Variants in ZNF606 observed in about 807,000 individuals in gnomAD.
The protein encoded by ZNF606 is zinc finger protein 328.
A neutral mutation model predicts 74.9 loss-of-function variants in ZNF606; 37 were observed. The ratio of observed to expected loss-of-function variants is 0.49; its 90% CI spans 0.38 to 0.65. The LOEUF (loss-of-function observed/expected upper bound fraction) is 0.65, where lower values mean the gene tolerates loss of function less well. Ranked by LOEUF, ZNF606 falls within the 30% of genes least tolerant of loss-of-function variation. The probability of loss-of-function intolerance (pLI) is 0.00; values close to 1 mark genes in which losing one functional copy is unlikely to be tolerated. For missense variants in ZNF606, 852 were observed against 952.9 expected (o/e 0.89, Z 1.39); for synonymous variants, 328 against 312.4 (o/e 1.05, Z -0.53).
chr19:57,999,937 C>T (rs972175011), intron 3 of ZNF606, 41 bp from the exon 4 acceptor site: 3 of 1,594,300 alleles, frequency 1.9e-6, no homozygotes, highest in Non-Finnish European at 2.6e-6. Flanking sequence ...GCTCTCGCTG[C>T]CAGGAGCTCA....
intron 4 of ZNF606, among the ~76,000 whole-genome samples, chr19:57,997,003 G>A (rs938766507): frequency 3.3e-5 from 5 of 152,204 alleles, no homozygotes; most frequent in African/African-American, 1.2e-4. Flanking sequence ...GATGTTTGCT[G>A]ACAGATCTTG....
intron 4 of ZNF606, among the ~76,000 whole-genome samples, chr19:57,990,526 C>G (rs1216163011): frequency 1.7e-5 from 2 of 119,242 alleles, no homozygotes. Flanking sequence ...GGCAGTAGAG[C>G]AAAACCCAGT....
intron 6 of ZNF606, among the ~76,000 whole-genome samples, chr19:57,981,569 T>C (rs1348813026): frequency 2.6e-5 from 4 of 152,188 alleles, no homozygotes; most frequent in Non-Finnish European, 5.9e-5. Flanking sequence ...TATAATGTCC[T>C]TCTACTCCCA....
Position 57,979,047 on chromosome 19 carries a change from A to G in ZNF606, c.1633T>C (p.Cys545Arg). ...TGEKPFKCDE[C>R]EKAFRDYSAL... ...GAGTAGTCCCTAAAAGCTTTTTCAC[A>G]TTCATCACATTTAAAGGGTTTCTCT... is the stretch of plus-strand genomic sequence containing the variant. Residue 545 changes from cysteine to arginine, a missense_variant, in exon 7 of 7, where the codon TGT (cysteine) becomes CGT (arginine). By Grantham distance (180) the Cys-to-Arg change is radical. Transcript: ENST00000551380. The G allele has an allele frequency of 6.2e-7, 1 of 1,614,036 alleles. No homozygotes were observed. Among genetic ancestry groups the G allele is most frequent in the Non-Finnish European group, 8.5e-7 (1 of 1,179,998 alleles).
At position 57,979,329 on chromosome 19, in the gene ZNF606, T is replaced by A. The variant is rs781449141; in HGVS notation, c.1351A>T (p.Thr451Ser). 6.2e-7 allele frequency: 1 copy of A among 1,613,676 alleles called. No homozygotes were observed. Among genetic ancestry groups the A allele is most frequent in the African/African-American group, 1.3e-5 (1 of 74,992 alleles). Residue 451 changes from threonine (T) to serine (S), a missense_variant, in exon 7 of 7, where the codon ACT (threonine) becomes TCT (serine). Coordinates refer to ENST00000551380, the MANE Select transcript of ZNF606 (RefSeq NM_001348022.3). ...TTACATTCATAGGGTTTTATTCCAG[T>A]GTGAGTCCGTTCATGTTTCGTAAGG... Reference protein sequence around the residue: ...SALTKHERTHTGIKPYECNKC... With the variant: ...SALTKHERTHSGIKPYECNKC...
At chr19:57,991,084 A>G (rs1415620196) in intron 4 of ZNF606, among the ~76,000 whole-genome samples, 1 of 152,060 alleles carries the variant, frequency 6.6e-6, no homozygotes, top group Admixed American at 6.6e-5. Flanking sequence ...TGCAAGGTAC[A>G]GTGCACCCTC....
chr19:57,988,139 C>T, intron 6 of ZNF606, 68 bp downstream of exon 6: 2 of 1,325,138 alleles, frequency 1.5e-6, no homozygotes, highest in South Asian at 1.3e-5. Context: ...TCTTCATGGC[C>T]TTATCCCATT....
In ZNF606 at chr19:57,979,120, T is replaced by G; in HGVS notation, c.1560A>C (p.Ser520=). The G allele has an allele frequency of 6.2e-7, 1 of 1,614,046 alleles. No homozygotes were observed. The highest frequency in any genetic ancestry group is 8.5e-7 in the Non-Finnish European group (1 of 1,180,010). The change falls in exon 7 of 7, where the codon TCA becomes TCC. Residue 520 remains serine (S), a synonymous_variant. Transcript: ENST00000551380. ...KPFECTECGK[S]FSWSSHLIAH... ...CAATAAGATGGGAGCTCCAGCTGAA[T>G]GATTTCCCACATTCAGTACATTCAA...
chr19:57,991,399 C>T (rs1034783006), intron 4 of ZNF606, among the ~76,000 whole-genome samples: 1 of 152,176 alleles, frequency 6.6e-6, no homozygotes, highest in Admixed American at 6.5e-5. Flanking sequence ...CTCCCCAACC[C>T]CCATGGTCAA....
At chr19:58,000,492 T>G in intron 3 of ZNF606, 191 bp downstream of exon 3, 1 of 682,714 alleles carries the variant, frequency 1.5e-6, no homozygotes. Flanking sequence ...CCCAAAGTGC[T>G]GTAGGCGTGA....
At chr19:57,986,859 G>A (rs553197367) in intron 6 of ZNF606, among the ~76,000 whole-genome samples, 1 of 152,268 alleles carries the variant, frequency 6.6e-6, no homozygotes, top group East Asian at 1.9e-4. Context: ...CAAGGCAGGA[G>A]GATTGCTTGT....
At chr19:57,991,381 A>G (rs2073257404) in intron 4 of ZNF606, among the ~76,000 whole-genome samples, 2 of 152,218 alleles carry the variant, frequency 1.3e-5, no homozygotes, top group South Asian at 2.1e-4. Context: ...ACCTCCCTCT[A>G]TGAAACACTC....
chr19:57,991,126 C>A (rs1354997925), intron 4 of ZNF606, among the ~76,000 whole-genome samples: 1 of 152,188 alleles, frequency 6.6e-6, no homozygotes, highest in Non-Finnish European at 1.5e-5. Context: ...TCCAGCCTTA[C>A]CCCAGTGCAG....
chr19:57,999,819 C>G lies in ZNF606; in HGVS notation c.166G>C (p.Ala56Pro). ...EGRRATGLPA[A>P]QVQEPVTFKD... is the part of the protein sequence containing the mutation. ...CAGCCCCATCTCACCTGAACCTGGG[C>G]TGCTGGGAGCCCAGTGGCCCTCCTC... Residue 56 changes from alanine to proline, a missense_variant, in exon 4 of 7, where the codon GCC becomes CCC. Coordinates refer to ENST00000551380, the MANE Select transcript of ZNF606 (RefSeq NM_001348022.3). The G allele has an allele frequency of 6.2e-7, 1 of 1,614,066 alleles. No homozygotes were observed. The highest frequency in any genetic ancestry group is 8.5e-7 in the Non-Finnish European group (1 of 1,180,020).
chr19:57,987,302 G>A (rs2073178503), intron 6 of ZNF606, among the ~76,000 whole-genome samples: 1 of 152,050 alleles, frequency 6.6e-6, no homozygotes, highest in South Asian at 2.1e-4. Flanking sequence ...CTGGAGTGCA[G>A]TGGTGAAATC....
intron 5 of ZNF606, 108 bp from the exon 6 acceptor site, chr19:57,988,410 T>A: frequency 2.2e-6 from 3 of 1,381,460 alleles, no homozygotes; most frequent in Non-Finnish European, 3.0e-6. Flanking sequence ...GGGCAGAATA[T>A]GCAAGGTCCT....
rs147758800 is a variant in ZNF606, at chr19:58,000,308, G to A, written c.88+375C>T. The A allele has an allele frequency of 8.0e-3, 3,924 of 490,500 alleles. 26 individuals carry two copies. The highest frequency in any genetic ancestry group is 0.011 in the Non-Finnish European group (2,986 of 277,636). The allele number at this position is 490,500 out of a possible 1,614,324, so 30.4% of individuals were successfully genotyped here. A position where few individuals can be genotyped will look rare whatever the true frequency, so the allele number is the denominator to read the frequency against. Reference sequence around the variant, plus strand: ...ACGATCTTGGCTCACTGCACGCTCCGCCTCCTGGCTTCACGCCATTCTCCT... The same window carrying A: ...ACGATCTTGGCTCACTGCACGCTCCACCTCCTGGCTTCACGCCATTCTCCT... On this transcript the variant is annotated intron_variant, in intron 3 of 6. Coordinates refer to ENST00000551380, the MANE Select transcript of ZNF606 (RefSeq NM_001348022.3).
chr19:58,000,500 T>G, intron 3 of ZNF606, 183 bp downstream of exon 3: 1 of 704,726 alleles, frequency 1.4e-6, no homozygotes, highest in Non-Finnish European at 2.5e-6. Context: ...GCTGTAGGCG[T>G]GAGTCACCAC....
intron 2 of ZNF606, 63 bp from the exon 3 acceptor site, chr19:58,000,802 CA>C: frequency 6.9e-7 from 1 of 1,456,522 alleles, no homozygotes; most frequent in Non-Finnish European, 9.2e-7. Flanking sequence ...CGACAAAATA[CA>C]AGAGGAGGCT....
Sources: gnomAD v4.1 joint callset for allele counts (sites outside exome capture counted in the v4.1 genomes callset) on GRCh38, gnomAD v4.1.1 for gene constraint, MANE v1.5 for transcripts, NCBI Gene and HGNC (gene_info 2026-07-23, HGNC 2026-07-21) for gene names.